Variants in POLR3F observed in about 807,000 individuals in gnomAD.
POLR3F encodes the protein DNA-directed RNA polymerase III subunit RPC6.
In POLR3F, 31 loss-of-function variants were observed where a neutral mutation model predicts 43.6. The observed-to-expected ratio is 0.71, with a 90% CI of 0.53 to 0.96. POLR3F has a LOEUF of 0.96. Among genes scored for constraint, POLR3F ranks in the 40% least tolerant of loss-of-function variants. The probability of loss-of-function intolerance (pLI) is 0.00; values close to 1 mark genes in which losing one functional copy is unlikely to be tolerated. For missense variants in POLR3F, 316 were observed against 391.7 expected, an observed-to-expected ratio of 0.81 and a Z score of 1.63; for synonymous variants, 114 against 132.5, an observed-to-expected ratio of 0.86 and a Z score of 0.96.
intron 1 of POLR3F, chr20:18,467,792 T>C (rs2059705328): frequency 1.1e-6 from 1 of 874,006 alleles, no homozygotes; most frequent in Non-Finnish European, 1.7e-6. Flanking sequence ...TGTAGCTGGC[T>C]GGCTTTGCCC....
At chr20:18,470,614 A>G (rs1046206524) in intron 2 of POLR3F, 2 of 154,854 alleles carry the variant, frequency 1.3e-5, no homozygotes, top group African/African-American at 4.8e-5. Flanking sequence ...GGAAAGACAG[A>G]GGAAGGGATT....
At position 18,479,298 on chromosome 20, in the gene POLR3F, A is replaced by T. The variant is rs548832762; in HGVS notation, c.430-740A>T. ...ATCACGAGGTCAAGAGATCGAGACC[A>T]TCCTGGCCAACATGGTGACACCCCC... On this transcript the variant is annotated intron_variant, in intron 5 of 8. Coordinates refer to ENST00000377603, the MANE Select transcript of POLR3F (RefSeq NM_006466.4). 5.9e-5 allele frequency among the ~76,000 whole-genome samples: 9 copies of T among 152,056 alleles called. No homozygotes were observed. In the East Asian group the frequency reaches 1.6e-3, roughly 26 times the overall value.
chr20:18,476,745 A>G (rs2059782670), intron 5 of POLR3F, among the ~76,000 whole-genome samples: 1 of 152,210 alleles, frequency 6.6e-6, no homozygotes, highest in African/African-American at 2.4e-5. Context: ...ATACTAAAAG[A>G]TATTTGCAAA....
At position 18,467,479 on chromosome 20, in the gene POLR3F, C is replaced by G. The variant is rs780260147; in HGVS notation, c.-28C>G. On this transcript the variant is annotated 5_prime_UTR_variant, in exon 1 of 9. Transcript: ENST00000377603. ...CTACCGGGCTGCTCCGTGCATCTTT[C>G]CCCCCAGGCGTCAGGAACTGCGCCC... 2 of 1,612,236 alleles carry G rather than the reference C, an allele frequency of 1.2e-6. No individual in the cohort carries two copies. Among genetic ancestry groups the G allele is most frequent in the Non-Finnish European group, 1.7e-6 (2 of 1,178,274 alleles).
chr20:18,480,595 T>G (rs1304067079), intron 7 of POLR3F, 86 bp downstream of exon 7: 10 of 381,644 alleles, frequency 2.6e-5, no homozygotes, highest in African/African-American at 1.6e-4. Flanking sequence ...CCCACATTGT[T>G]TTTTTTTTTT....
rs1259806280 is a variant in POLR3F, at chr20:18,469,009, C to T, written c.128C>T (p.Pro43Leu). 1 of 1,599,866 alleles carries T rather than the reference C, an allele frequency of 6.3e-7. No homozygotes were observed. Among genetic ancestry groups the T allele is most frequent in the South Asian group, 1.1e-5 (1 of 90,820 alleles). Residue 43 changes from proline (P) to leucine (L), a missense_variant, in exon 2 of 9, where the codon CCT becomes CTT. Around this residue, in one of 3 missense-constraint regions of POLR3F, gnomAD observed 122 missense variants for 133.8 expected, o/e 0.91. Coordinates refer to ENST00000377603, the MANE Select transcript of POLR3F (RefSeq NM_006466.4). Reference sequence around the variant, plus strand: ...GACCAAGTAATTCAGAATGAAATGCCTCATATAGAAGCCCAGCAGCGGGCA... The same window carrying T: ...GACCAAGTAATTCAGAATGAAATGCTTCATATAGAAGCCCAGCAGCGGGCA... ...ITDQVIQNEM[P>L]HIEAQQRAVA...
chr20:18,482,565 G>A (rs1013867101), intron 8 of POLR3F, among the ~76,000 whole-genome samples: 9 of 152,174 alleles, frequency 5.9e-5, no homozygotes, highest in African/African-American at 1.9e-4. Flanking sequence ...CAGCTTAGAA[G>A]TAACCGGGAT....
At chr20:18,483,432 G>A (rs1350780484) in intron 8 of POLR3F, 49 bp from the exon 9 acceptor site, 1 of 865,208 alleles carries the variant, frequency 1.2e-6, no homozygotes, top group South Asian at 1.6e-5. Flanking sequence ...TTGGGTCTTA[G>A]ATATTTTAAA....
rs936966858 is a variant in POLR3F at position 18,483,729 on chromosome 20, T to C, written c.*171T>C. 7 of 430,836 alleles carry C rather than the reference T, an allele frequency of 1.6e-5. No homozygotes were observed. The highest frequency in any genetic ancestry group is 2.0e-5 in the Non-Finnish European group (5 of 246,236). 26.7% of individuals were successfully genotyped at this position (430,836 alleles called of 1,614,324 possible). ...TTATTTATGAAGACTAAATTTATAT[T>C]GGTAAAATAGCCAGTAGAATATGAA... On this transcript the variant is annotated 3_prime_UTR_variant, in exon 9 of 9. Coordinates refer to ENST00000377603, the MANE Select transcript of POLR3F (RefSeq NM_006466.4).
At position 18,481,886 on chromosome 20, in the gene POLR3F, A is replaced by G. The variant is rs2059812300; in HGVS notation, c.873+76A>G. ...CCACATTAAGAAACAGAGCAAGCAC[A>G]GCCCAGTTTTCTCAGACTCTTAGGG... On this transcript the variant is annotated intron_variant, in intron 8 of 8. Transcript: ENST00000377603. 4 of 872,916 alleles carry G rather than the reference A, an allele frequency of 4.6e-6. No homozygotes were observed. The East Asian group carries it at 9.7e-5, about 21-fold the overall frequency. 54.1% of individuals were successfully genotyped at this position (872,916 alleles called of 1,614,324 possible).
chr20:18,473,448 A>C lies in POLR3F; in HGVS notation c.306A>C (p.Ala102=), dbSNP rs1430311177. The C allele has an allele frequency of 2.1e-6, 3 of 1,459,930 alleles. No individual in the cohort carries two copies. In the African/African-American group the frequency reaches 4.2e-5, roughly 20 times the overall value. The allele number at this position is 1,459,930 out of a possible 1,614,324, so 90.4% of individuals were successfully genotyped here. The change falls in exon 4 of 9, where the codon GCA becomes GCC. Residue 102 remains alanine (A), a synonymous_variant. Coordinates refer to ENST00000377603, the MANE Select transcript of POLR3F (RefSeq NM_006466.4). The part of the protein sequence containing the change: ...EKLVYQIIED[A]GNKGIWSRDI... ...TAGTATATCAAATCATAGAGGATGC[A>C]GGAAATAAAGGTAAGCATGTGAAAG...
At position 18,483,897 on chromosome 20, in the gene POLR3F, T is replaced by C; in HGVS notation, c.*339T>C. On this transcript the variant is annotated 3_prime_UTR_variant, in exon 9 of 9. Transcript: ENST00000377603. ...ATTTACCAAGTACTATGATAATGGC[T>C]AGAGTATAAAAATGTTCTTTTTAAA... 1 of 394,316 alleles carries C rather than the reference T, an allele frequency of 2.5e-6. No homozygotes were observed. The highest frequency in any genetic ancestry group is 4.5e-6 in the Non-Finnish European group (1 of 224,112). 24.4% of individuals were successfully genotyped at this position (394,316 alleles called of 1,614,324 possible).
intron 5 of POLR3F, among the ~76,000 whole-genome samples, chr20:18,476,285 A>G (rs527509778): frequency 1.3e-5 from 2 of 152,324 alleles, no homozygotes; most frequent in Admixed American, 6.5e-5. Context: ...CTAAAAACGA[A>G]TAATTTATTT....
intron 5 of POLR3F, among the ~76,000 whole-genome samples, chr20:18,478,192 G>C (rs982246364): frequency 6.6e-6 from 1 of 151,978 alleles, no homozygotes; most frequent in Non-Finnish European, 1.5e-5. Flanking sequence ...CTAGGAAAAA[G>C]GGACAAAGTC....
chr20:18,480,337 A>G, intron 6 of POLR3F, 65 bp from the exon 7 acceptor site: 1 of 1,296,870 alleles, frequency 7.7e-7, no homozygotes, highest in Admixed American at 1.8e-5. Context: ...TTGACTCAGT[A>G]TAAAGTGTAT....
In POLR3F at chr20:18,467,549, C is replaced by A. The variant is rs2059699330; in HGVS notation, c.43C>A (p.Pro15Thr). ...KVKVQPPDAD[P>T]VEIENRIIEL... is the part of the protein sequence containing the mutation. Reference sequence around the variant, plus strand: ...GAAGGTGCAGCCGCCTGACGCGGATCCGGTCGAAATAGAAAACAGGTAAAC... The same window carrying A: ...GAAGGTGCAGCCGCCTGACGCGGATACGGTCGAAATAGAAAACAGGTAAAC... The change falls in exon 1 of 9, where the codon CCG (proline) becomes ACG (threonine). Residue 15 changes from proline to threonine, a missense_variant. Around this residue, in one of 3 missense-constraint regions of POLR3F, gnomAD observed 122 missense variants for 133.8 expected, o/e 0.91. Coordinates refer to ENST00000377603, the MANE Select transcript of POLR3F (RefSeq NM_006466.4). The A allele has an allele frequency of 6.2e-7, 1 of 1,614,238 alleles. No homozygotes were observed. The highest frequency in any genetic ancestry group is 8.5e-7 in the Non-Finnish European group (1 of 1,180,024).
chr20:18,467,407 C>G lies in POLR3F; in HGVS notation c.-100C>G. The G allele has an allele frequency of 7.4e-7, 1 of 1,342,616 alleles. No homozygotes were observed. Among genetic ancestry groups the G allele is most frequent in the Non-Finnish European group, 1.1e-6 (1 of 944,002 alleles). The allele number at this position is 1,342,616 out of a possible 1,614,324, so 83.2% of individuals were successfully genotyped here. A position where few individuals can be genotyped will look rare whatever the true frequency, so the allele number is the denominator to read the frequency against. Reference sequence around the variant, plus strand: ...GACACGAGGAAGAAGGCCCCTCGGCCTCAGCAGAGCGCTATCCTCCACTGG... The same window carrying G: ...GACACGAGGAAGAAGGCCCCTCGGCGTCAGCAGAGCGCTATCCTCCACTGG... On this transcript the variant is annotated 5_prime_UTR_variant, in exon 1 of 9. Coordinates refer to ENST00000377603, the MANE Select transcript of POLR3F (RefSeq NM_006466.4).
Position 18,473,385 on chromosome 20 carries a change from C to T in POLR3F, c.249-6C>T. 8.1e-7 allele frequency: 1 copy of T among 1,228,658 alleles called. No individual in the cohort carries two copies. Among genetic ancestry groups the T allele is most frequent in the Non-Finnish European group, 1.2e-6 (1 of 830,566 alleles). The allele number at this position is 1,228,658 out of a possible 1,614,324, so 76.1% of individuals were successfully genotyped here. A position where few individuals can be genotyped will look rare whatever the true frequency, so the allele number is the denominator to read the frequency against. ...ACCTTACTAATTTTACTTTATTCCA[C>T]TACAGTAAAATGAAGGGATCCGATA... On this transcript the variant is annotated splice_polypyrimidine_tract_variant and splice_region_variant and intron_variant, in intron 3 of 8. Coordinates refer to ENST00000377603, the MANE Select transcript of POLR3F (RefSeq NM_006466.4).
Position 18,480,020 on chromosome 20 carries a change from G to C in POLR3F, c.430-18G>C. ...TTGTTATCTTATAAACACATGAACT[G>C]TGCATGTTCTTTCCTAGGCCTCAAA... On this transcript the variant is annotated intron_variant, in intron 5 of 8. Coordinates refer to ENST00000377603, the MANE Select transcript of POLR3F (RefSeq NM_006466.4). The C allele has an allele frequency of 6.3e-7, 1 of 1,582,296 alleles. No homozygotes were observed. Among genetic ancestry groups the C allele is most frequent in the Non-Finnish European group, 8.6e-7 (1 of 1,165,336 alleles).
Sources: gnomAD v4.1 joint callset for allele counts (sites outside exome capture counted in the v4.1 genomes callset) on GRCh38, gnomAD v4.1.1 for gene constraint, gnomAD v4.1.1 regional missense constraint, MANE v1.5 for transcripts, NCBI Gene and HGNC (gene_info 2026-07-23, HGNC 2026-07-21) for gene names.